Variants in DNAH5 observed in about 807,000 individuals in gnomAD.
DNAH5 encodes axonemal beta dynein heavy chain 5.
Under a neutral mutation model 518.2 loss-of-function variants are expected in DNAH5, and 372 were observed. The ratio of observed to expected loss-of-function variants is 0.72; its 90% CI spans 0.66 to 0.78. The LOEUF is 0.78. Among genes scored for constraint, DNAH5 ranks in the 30% least tolerant of loss-of-function variants. The pLI, the probability that DNAH5 is intolerant of heterozygous loss-of-function variation, is 0.00. For missense variants in DNAH5, 5,523 were observed against 5,687.0 expected (o/e 0.97, Z 0.93); for synonymous variants, 2,039 against 2,025.9 (o/e 1.01, Z -0.17).
intron 30 of DNAH5, among the ~76,000 whole-genome samples, chr5:13,851,541 C>T (rs2151885270): frequency 6.6e-6 from 1 of 152,130 alleles, no homozygotes; most frequent in South Asian, 2.1e-4. Flanking sequence ...AACTCCTGGG[C>T]TCAAGCAGTC....
intron 78 of DNAH5, among the ~76,000 whole-genome samples, chr5:13,699,259 C>G (rs191774901): frequency 1.3e-5 from 2 of 152,326 alleles, no homozygotes; most frequent in Non-Finnish European, 2.9e-5. Flanking sequence ...TCTTTTGTAA[C>G]ATGTATCAAT....
chr5:13,861,433 T>C (rs6554825), intron 29 of DNAH5, among the ~76,000 whole-genome samples: 59,919 of 152,020 alleles, frequency 0.39, 11,962 homozygotes, highest in South Asian at 0.47. Context: ...CACATATATA[T>C]GGAGAATTGG....
At position 13,839,337 on chromosome 5, in the gene DNAH5, G is replaced by T. The variant is rs1424112188; in HGVS notation, c.5882+19C>A. ...GAGAGAATAAAAATGGTGGGGGTTG[G>T]GGAGAAGGGTTCCATCACCTGTCTG... On this transcript the variant is annotated intron_variant, in intron 35 of 78. Transcript: ENST00000265104. The T allele has an allele frequency of 1.2e-6, 2 of 1,612,518 alleles. No homozygotes were observed. Among genetic ancestry groups the T allele is most frequent in the African/African-American group, 1.3e-5 (1 of 74,894 alleles).
chr5:13,911,773 T>C (rs1175702802), intron 11 of DNAH5, among the ~76,000 whole-genome samples: 1 of 152,172 alleles, frequency 6.6e-6, no homozygotes, highest in Non-Finnish European at 1.5e-5. Context: ...TTGGGAAAGA[T>C]TTTTTCCACT....
chr5:13,957,547 C>A (rs186066004), intron 1 of DNAH5, among the ~76,000 whole-genome samples: 104 of 152,060 alleles, frequency 6.8e-4, no homozygotes, highest in African/African-American at 2.4e-3. Context: ...CTATCTATAT[C>A]ATATGGCCCA....
chr5:14,001,402 C>T (rs914764082), intron 1 of DNAH5, among the ~76,000 whole-genome samples: 34 of 152,272 alleles, frequency 2.2e-4, no homozygotes, highest in African/African-American at 6.5e-4. Flanking sequence ...CTCACTCTGT[C>T]GTCCAGACTG....
intron 22 of DNAH5, among the ~76,000 whole-genome samples, chr5:13,876,422 GT>G (rs1409371378): frequency 6.6e-6 from 1 of 152,292 alleles, no homozygotes; most frequent in Admixed American, 6.5e-5. Flanking sequence ...GATTTTTTAA[GT>G]TAGATTCATT....
At chr5:13,785,566 A>G (rs1755860915) in intron 52 of DNAH5, among the ~76,000 whole-genome samples, 2 of 152,228 alleles carry the variant, frequency 1.3e-5, no homozygotes, top group Admixed American at 1.3e-4. Flanking sequence ...GTTCAATATC[A>G]TTAAGTACAT....
chr5:13,779,246 T>A (rs1226193401), intron 53 of DNAH5, among the ~76,000 whole-genome samples: 1 of 152,220 alleles, frequency 6.6e-6, no homozygotes, highest in Non-Finnish European at 1.5e-5. Flanking sequence ...AACCAAAAAC[T>A]AGAAGAATCA....
chr5:13,787,221 T>C (rs1289552595), intron 51 of DNAH5, among the ~76,000 whole-genome samples: 2 of 148,614 alleles, frequency 1.3e-5, no homozygotes, highest in Admixed American at 1.3e-4. Flanking sequence ...AAAAAAAGGA[T>C]AATGCCCAAG....
intron 1 of DNAH5, among the ~76,000 whole-genome samples, chr5:13,958,781 C>T (rs1211654166): frequency 6.6e-6 from 1 of 152,108 alleles, no homozygotes; most frequent in African/African-American, 2.4e-5. Flanking sequence ...ATATACTAAA[C>T]CTTAAAATCT....
chr5:13,831,939 T>C (rs1763721762), intron 35 of DNAH5, among the ~76,000 whole-genome samples: 1 of 152,186 alleles, frequency 6.6e-6, no homozygotes, highest in African/African-American at 2.4e-5. Context: ...TGAGTGACTT[T>C]TCTCAGGACT....
intron 1 of DNAH5, among the ~76,000 whole-genome samples, chr5:13,978,919 T>C (rs184245079): frequency 1.3e-5 from 2 of 152,296 alleles, no homozygotes; most frequent in Non-Finnish European, 2.9e-5. Context: ...CCCTGGCTAA[T>C]ACAATGTCTG....
In DNAH5 at chr5:13,766,089, A is replaced by T; in HGVS notation, c.9988T>A (p.Phe3330Ile). 1 of 1,614,188 alleles carries T rather than the reference A, an allele frequency of 6.2e-7. No homozygotes were observed. The highest frequency in any genetic ancestry group is 8.5e-7 in the Non-Finnish European group (1 of 1,180,028). ...MRIMDCVLLL[F>I]QRKVSAVKID... is the part of the protein sequence containing the mutation. ...TTCACAGCACTGACTTTCCTTTGAA[A>T]CAGCAGCAGTACGCAATCCATGATC... The change falls in exon 59 of 79, where the codon TTT (phenylalanine) becomes ATT (isoleucine). Residue 3330 changes from phenylalanine to isoleucine, a missense_variant. Coordinates refer to ENST00000265104, the MANE Select transcript of DNAH5 (RefSeq NM_001369.3).
Position 13,824,075 on chromosome 5 carries a change from C to G in DNAH5, c.6579+124G>C. ...TATAATTTAAAGTGATGCTCTCCAG[C>G]ACTTTATCTGACAATTAGGCATTTT... On this transcript the variant is annotated intron_variant, in intron 39 of 78. Coordinates refer to ENST00000265104, the MANE Select transcript of DNAH5 (RefSeq NM_001369.3). 2.9e-6 allele frequency: 3 copies of G among 1,021,948 alleles called. No individual in the cohort carries two copies. In the South Asian group the frequency reaches 3.9e-5, roughly 13 times the overall value. The allele number at this position is 1,021,948 out of a possible 1,614,324, so 63.3% of individuals were successfully genotyped here. A position where few individuals can be genotyped will look rare whatever the true frequency, so the allele number is the denominator to read the frequency against.
At chr5:13,872,981 G>A (rs1271039277) in intron 22 of DNAH5, among the ~76,000 whole-genome samples, 2 of 152,112 alleles carry the variant, frequency 1.3e-5, no homozygotes, top group Non-Finnish European at 2.9e-5. Context: ...CAGAAGGGAG[G>A]GCTATGAGAA....
chr5:13,869,373 A>G (rs1443507769), intron 24 of DNAH5, among the ~76,000 whole-genome samples: 1 of 152,062 alleles, frequency 6.6e-6, no homozygotes, highest in Non-Finnish European at 1.5e-5. Context: ...AATAACAAAT[A>G]TAGTGACCCA....
At chr5:13,709,573 T>C (rs1218679640) in intron 75 of DNAH5, among the ~76,000 whole-genome samples, 2 of 152,186 alleles carry the variant, frequency 1.3e-5, no homozygotes, top group Non-Finnish European at 2.9e-5. Flanking sequence ...TTGACTCGGA[T>C]GGGCAGAGCA....
intron 52 of DNAH5, among the ~76,000 whole-genome samples, chr5:13,784,324 T>A (rs1453544409): frequency 6.6e-6 from 1 of 152,350 alleles, no homozygotes; most frequent in East Asian, 1.9e-4. Context: ...CTGAAACAAC[T>A]CTTAATCAAC....
Sources: allele counts gnomAD v4.1 joint callset (sites outside exome capture counted in the v4.1 genomes callset), GRCh38; gene constraint gnomAD v4.1.1; transcripts MANE v1.5; gene names NCBI Gene and HGNC (gene_info 2026-07-23, HGNC 2026-07-21).